The following ARHGEF10L variants were observed in gnomAD, a reference collection of about 807,000 sequenced individuals.
ARHGEF10L encodes Rho guanine nucleotide exchange factor 10 like.
A neutral mutation model predicts 141.2 loss-of-function variants in ARHGEF10L; 69 were observed. The observed-to-expected ratio is 0.49, with a 90% CI of 0.40 to 0.60. The LOEUF (loss-of-function observed/expected upper bound fraction) is 0.60. Among genes scored for constraint, ARHGEF10L ranks in the 20% least tolerant of loss-of-function variants. ARHGEF10L has a pLI of 0.00. For missense variants in ARHGEF10L, 1,482 were observed against 1,734.3 expected, an observed-to-expected ratio of 0.85 and a Z score of 2.58; for synonymous variants, 711 against 718.5, an observed-to-expected ratio of 0.99 and a Z score of 0.17.
In ARHGEF10L at chr1:17,615,533, C is replaced by T. The variant is rs984167239; in HGVS notation, c.727-561C>T. 11 of 152,318 alleles carry T rather than the reference C, an allele frequency of 7.2e-5. No individual in the cohort carries two copies. Among genetic ancestry groups the T allele is most frequent in the African/African-American group, 2.6e-4 (11 of 41,556 alleles). The allele number at this position is 152,318 out of a possible 1,614,324, so 9.4% of individuals were successfully genotyped here. A position where few individuals can be genotyped will look rare whatever the true frequency, so the allele number is the denominator to read the frequency against. ...CGGGGGAGGCAAGGGACGGGTCCCTCACCTGGGTTTGGCGGATGGGATGGG... is the reference window on the plus strand; with the variant it reads ...CGGGGGAGGCAAGGGACGGGTCCCTTACCTGGGTTTGGCGGATGGGATGGG... On this transcript the variant is annotated intron_variant, in intron 8 of 28. Coordinates refer to ENST00000361221, the MANE Select transcript of ARHGEF10L (RefSeq NM_018125.4). The surrounding 1 kb of genome is among the most constrained non-coding windows in gnomAD (Gnocchi z 4.7).
chr1:17,591,003 A>G (rs995039580), intron 4 of ARHGEF10L, among the ~76,000 whole-genome samples: 28 of 152,204 alleles, frequency 1.8e-4, no homozygotes, highest in Admixed American at 1.6e-3. Flanking sequence ...AAACAAACAA[A>G]GAAACAAAAC....
At chr1:17,592,643 G>T (rs2079651389) in intron 4 of ARHGEF10L, among the ~76,000 whole-genome samples, 1 of 152,186 alleles carries the variant, frequency 6.6e-6, no homozygotes, top group African/African-American at 2.4e-5. Flanking sequence ...GGACATAGGG[G>T]CTCATGGGAA....
the ARHGEF10L span, among the ~76,000 whole-genome samples, chr1:17,533,921 G>C: frequency 2.0e-5 from 3 of 151,986 alleles, no homozygotes; most frequent in African/African-American, 7.2e-5. Flanking sequence ...CCGGTATCCA[G>C]ACTCGGGAAG....
chr1:17,576,105 C>T lies in ARHGEF10L; in HGVS notation c.-43-4448C>T, dbSNP rs1048178717. On this transcript the variant is annotated intron_variant, in intron 1 of 28. Coordinates refer to ENST00000361221, the MANE Select transcript of ARHGEF10L (RefSeq NM_018125.4). ...CAGCCTTCCAGACTTTCAGGGCCCCCAAGTGTTTTCTTCCTCCAGGCCTCA... is the reference window on the plus strand; with the variant it reads ...CAGCCTTCCAGACTTTCAGGGCCCCTAAGTGTTTTCTTCCTCCAGGCCTCA... Among the ~76,000 whole-genome samples the T allele has an allele frequency of 7.2e-5, 11 of 152,130 alleles. 1 individual carries two copies. Among genetic ancestry groups the T allele is most frequent in the African/African-American group, 2.2e-4 (9 of 41,492 alleles).
intron 26 of ARHGEF10L, among the ~76,000 whole-genome samples, chr1:17,674,438 A>C (rs2063513786): frequency 6.6e-6 from 1 of 152,152 alleles, no homozygotes; most frequent in African/African-American, 2.4e-5. Flanking sequence ...AGGGAGTCTC[A>C]CCCACAGGAG....
At chr1:17,565,173 C>T (rs912665904) in intron 1 of ARHGEF10L, among the ~76,000 whole-genome samples, 4 of 152,172 alleles carry the variant, frequency 2.6e-5, no homozygotes, top group South Asian at 2.1e-4. Context: ...AGGGCCTAGC[C>T]GGGGCCTTGT....
At chr1:17,688,022 G>C (rs1558039120) in intron 27 of ARHGEF10L, among the ~76,000 whole-genome samples, 1 of 152,198 alleles carries the variant, frequency 6.6e-6, no homozygotes, top group Non-Finnish European at 1.5e-5. Flanking sequence ...TCCAAAGTCA[G>C]GCAGCTGCTA....
In ARHGEF10L at chr1:17,695,224, AG is replaced by A. The variant is rs1316421543; in HGVS notation, c.3254del (p.Gly1085ValfsTer81). ...CQGLLWVGTD[Q>X]GVIVLLPVPR... Reference sequence around the variant, plus strand: ...GGTCTGCTCTGGGTGGGCACTGACCAGGGTGTCATCGTCCTGCTGCCCGTGC... The same window carrying A: ...GGTCTGCTCTGGGTGGGCACTGACCAGGTGTCATCGTCCTGCTGCCCGTGC... On this transcript the variant is annotated frameshift_variant, in exon 28 of 29. Coordinates refer to ENST00000361221, the MANE Select transcript of ARHGEF10L (RefSeq NM_018125.4). LOFTEE classifies it high-confidence loss of function. The A allele has an allele frequency of 1.2e-6, 2 of 1,610,588 alleles. No individual in the cohort carries two copies.
At chr1:17,519,079 G>A in the ARHGEF10L span, among the ~76,000 whole-genome samples, 2 of 151,970 alleles carry the variant, frequency 1.3e-5, no homozygotes, top group Non-Finnish European at 2.9e-5. Context: ...GGAGGCTGAG[G>A]CAGGAGAATC....
At chr1:17,632,171 G>A in intron 15 of ARHGEF10L, 150 bp from the exon 16 acceptor site, 1 of 969,522 alleles carries the variant, frequency 1.0e-6, no homozygotes, top group African/African-American at 1.6e-5. Context: ...AGTGCATCTT[G>A]TCACCCAGGG....
chr1:17,664,338 G>A (rs1205493139), intron 25 of ARHGEF10L, 109 bp from the exon 26 acceptor site: 23 of 1,239,040 alleles, frequency 1.9e-5, no homozygotes, highest in African/African-American at 4.6e-5. Context: ...CCTGGAGAGC[G>A]GGGAGAGGGT....
intron 26 of ARHGEF10L, among the ~76,000 whole-genome samples, chr1:17,684,748 G>A (rs2064420177): frequency 6.6e-6 from 1 of 152,202 alleles, no homozygotes; most frequent in Admixed American, 6.5e-5. Flanking sequence ...GCATCCCCCT[G>A]GTCAGGGGTG....
chr1:17,529,727 T>G, the ARHGEF10L span, among the ~76,000 whole-genome samples: 3 of 151,642 alleles, frequency 2.0e-5, no homozygotes, highest in Non-Finnish European at 2.9e-5. Context: ...GAGGCAGCTA[T>G]AGGTGGAGCT....
intron 4 of ARHGEF10L, among the ~76,000 whole-genome samples, chr1:17,599,365 G>T (rs1485534519): frequency 6.6e-6 from 1 of 151,764 alleles, no homozygotes; most frequent in Non-Finnish European, 1.5e-5. Context: ...AAAAAAACGT[G>T]CAATTACATG....
rs1233152229 is a variant in ARHGEF10L at position 17,695,240 on chromosome 1, G to T, written c.3267G>T (p.Leu1089=). The change falls in exon 28 of 29, where the codon CTG becomes CTT. Residue 1089 remains leucine (L), a synonymous_variant. Transcript: ENST00000361221. ...GCACTGACCAGGGTGTCATCGTCCT[G>T]CTGCCCGTGCCTCGGCTGGAAGGCA... The part of the protein sequence containing the change: ...WVGTDQGVIV[L]LPVPRLEGIP... 4.4e-6 allele frequency: 7 copies of T among 1,604,942 alleles called. No individual in the cohort carries two copies. The highest frequency in any genetic ancestry group is 6.0e-6 in the Non-Finnish European group (7 of 1,176,334).
chr1:17,589,716 C>T (rs759795696), intron 4 of ARHGEF10L, among the ~76,000 whole-genome samples: 3 of 152,208 alleles, frequency 2.0e-5, no homozygotes, highest in African/African-American at 4.8e-5. Flanking sequence ...GCCATTCGTC[C>T]TGCACCTGGG....
chr1:17,514,583 T>C, the ARHGEF10L span, among the ~76,000 whole-genome samples: 23 of 152,150 alleles, frequency 1.5e-4, no homozygotes, highest in African/African-American at 4.8e-4. Flanking sequence ...TTGTTTGGGA[T>C]TGGGCAAGCT....
At position 17,654,406 on chromosome 1, in the gene ARHGEF10L, A is replaced by C. The variant is rs2062106910; in HGVS notation, c.2395-230A>C. On this transcript the variant is annotated intron_variant, in intron 22 of 28. Transcript: ENST00000361221. This position sits in a 1 kb window ranked among gnomAD's most constrained non-coding sequence, Gnocchi z 4.3. ...TTTCAGAGACCCTGGGCTGATACAG[A>C]GCCTCTTGCAGGCCTCTTCTAGCCG... Among the ~76,000 whole-genome samples the C allele has an allele frequency of 6.6e-6, 1 of 152,160 alleles. No homozygotes were observed. The highest frequency in any genetic ancestry group is 2.4e-5 in the African/African-American group (1 of 41,426).
the ARHGEF10L span, among the ~76,000 whole-genome samples, chr1:17,531,614 A>C: frequency 1.3e-5 from 2 of 152,170 alleles, no homozygotes; most frequent in African/African-American, 4.8e-5. Flanking sequence ...CTTAGCACAC[A>C]GTGGGCCTCT....
Sources: gnomAD v4.1 joint callset for allele counts (sites outside exome capture counted in the v4.1 genomes callset) on GRCh38, gnomAD v4.1.1 for gene constraint, Gnocchi (gnomAD v3.1) non-coding constraint, MANE v1.5 for transcripts, NCBI Gene and HGNC (gene_info 2026-07-23, HGNC 2026-07-21) for gene names.